Variants in EPSTI1 observed in about 807,000 individuals in gnomAD.
EPSTI1 encodes epithelial-stromal interaction protein 1.
Under a neutral mutation model 49.9 loss-of-function variants are expected in EPSTI1, and 66 were observed. The observed-to-expected ratio is 1.32, with a 90% CI of 1.08 to 1.62. The LOEUF (loss-of-function observed/expected upper bound fraction) is 1.62. Ranked by LOEUF, EPSTI1 falls within the 40% of genes most tolerant of loss-of-function variation. EPSTI1 has a pLI of 0.00. For missense variants in EPSTI1, 394 were observed against 365.5 expected (o/e 1.08, Z -0.64); for synonymous variants, 137 against 130.7 (o/e 1.05, Z -0.33).
intron 1 of EPSTI1, among the ~76,000 whole-genome samples, chr13:42,989,585 C>CTTTTTT (rs2040154989): frequency 4.7e-4 from 30 of 63,894 alleles, no homozygotes; most frequent in Admixed American, 7.3e-4. Context: ...TTTTTTTTTG[C>CTTTTTT]TTTTTGTTTT....
At chr13:42,955,885 G>GC (rs1395107698) in intron 5 of EPSTI1, among the ~76,000 whole-genome samples, 4 of 142,888 alleles carry the variant, frequency 2.8e-5, no homozygotes, top group African/African-American at 5.1e-5. Context: ...TTTGGGGGGG[G>GC]GGGGAAGTAG....
intron 8 of EPSTI1, among the ~76,000 whole-genome samples, chr13:42,905,953 GA>G (rs1489364610): frequency 3.3e-5 from 5 of 152,210 alleles, no homozygotes; most frequent in African/African-American, 9.7e-5. Flanking sequence ...GCATACAAAC[GA>G]GGGTAGGTTG....
chr13:42,887,291 C>T lies in EPSTI1; in HGVS notation c.*1203G>A, dbSNP rs898135354. On this transcript the variant is annotated 3_prime_UTR_variant, in exon 11 of 11. Coordinates refer to ENST00000313624, the MANE Select transcript of EPSTI1 (RefSeq NM_033255.5). ...CATCTGTTCTCTGTTACCCCCCACC[C>T]ACCAATGTGGCCCTTTCCTAGTGCA... The T allele has an allele frequency of 6.6e-6, 1 of 152,244 alleles. No individual in the cohort carries two copies. Among genetic ancestry groups the T allele is most frequent in the Non-Finnish European group, 1.5e-5 (1 of 68,072 alleles). 9.4% of individuals were successfully genotyped at this position (152,244 alleles called of 1,614,324 possible). A position where few individuals can be genotyped will look rare whatever the true frequency, so the allele number is the denominator to read the frequency against.
At chr13:42,918,807 T>C (rs1414926953) in intron 7 of EPSTI1, among the ~76,000 whole-genome samples, 1 of 152,182 alleles carries the variant, frequency 6.6e-6, no homozygotes. Context: ...GGGACTGTGC[T>C]AAGACATAGA....
intron 7 of EPSTI1, among the ~76,000 whole-genome samples, chr13:42,921,987 A>G (rs1566119126): frequency 6.6e-6 from 1 of 152,252 alleles, no homozygotes; most frequent in African/African-American, 2.4e-5. Flanking sequence ...AAATGTTCAA[A>G]GGAAACTAAG....
At chr13:42,974,516 G>A (rs1337970427) in intron 1 of EPSTI1, among the ~76,000 whole-genome samples, 1 of 152,006 alleles carries the variant, frequency 6.6e-6, no homozygotes, top group Non-Finnish European at 1.5e-5. Context: ...AAAATTAGCC[G>A]GGCGTGGTGG....
rs756427611 is a variant in EPSTI1 at position 42,917,571 on chromosome 13, C to A, written c.711G>T (p.Leu237Phe). 2.1e-6 allele frequency: 3 copies of A among 1,449,116 alleles called. No individual in the cohort carries two copies. Among genetic ancestry groups the A allele is most frequent in the Non-Finnish European group, 2.8e-6 (3 of 1,075,352 alleles). The allele number at this position is 1,449,116 out of a possible 1,614,324, so 89.8% of individuals were successfully genotyped here. A position where few individuals can be genotyped will look rare whatever the true frequency, so the allele number is the denominator to read the frequency against. Residue 237 changes from leucine (L) to phenylalanine (F), a missense_variant, in exon 8 of 11, where the codon TTG (leucine) becomes TTT (phenylalanine). Transcript: ENST00000313624. Reference sequence around the variant, plus strand: ...GATGTTGTTCATCCTTCATCTTTTGCAATTTTCTGTTTTCTTCTGCCTTTA... The same window carrying A: ...GATGTTGTTCATCCTTCATCTTTTGAAATTTTCTGTTTTCTTCTGCCTTTA... ...DSLKAEENRK[L>F]QKMKDEQHQK...
intron 9 of EPSTI1, among the ~76,000 whole-genome samples, chr13:42,898,593 G>A (rs1241043223): frequency 1.3e-5 from 2 of 152,002 alleles, no homozygotes; most frequent in South Asian, 2.1e-4. Flanking sequence ...AAAAAATAAC[G>A]TATAGAAATT....
rs1263661988 is a variant in EPSTI1 at position 42,922,864 on chromosome 13, A to C, written c.657+3472T>G. 6.6e-6 allele frequency among the ~76,000 whole-genome samples: 1 copy of C among 152,210 alleles called. No homozygotes were observed. The highest frequency in any genetic ancestry group is 2.4e-5 in the African/African-American group (1 of 41,460). ...TGGCCCCTCAGACATTAACGTGCAC[A>C]CACATCTTCCATGGACTGTATTAAA... is the stretch of plus-strand genomic sequence containing the variant. On this transcript the variant is annotated intron_variant, in intron 7 of 10. Coordinates refer to ENST00000313624, the MANE Select transcript of EPSTI1 (RefSeq NM_033255.5). This position sits in a 1 kb window ranked among gnomAD's most constrained non-coding sequence, Gnocchi z 4.8.
chr13:42,948,807 T>TA (rs1594707699), intron 6 of EPSTI1, among the ~76,000 whole-genome samples: 2 of 152,206 alleles, frequency 1.3e-5, no homozygotes, highest in Admixed American at 6.5e-5. Flanking sequence ...TTTATTTGAT[T>TA]AAAAGAACAA....
At chr13:42,964,219 A>C in intron 3 of EPSTI1, 80 bp from the exon 4 acceptor site, 1 of 1,050,362 alleles carries the variant, frequency 9.5e-7, no homozygotes, top group Non-Finnish European at 1.4e-6. Flanking sequence ...TTAATATATA[A>C]TAAATCTATA....
chr13:42,919,176 A>C (rs2037923806), intron 7 of EPSTI1: 1 of 764,898 alleles, frequency 1.3e-6, no homozygotes, highest in Admixed American at 2.7e-5. Flanking sequence ...ACTCAGAAAA[A>C]AGTGGTTATT....
At chr13:42,907,896 G>A (rs1379752691) in intron 8 of EPSTI1, among the ~76,000 whole-genome samples, 1 of 152,086 alleles carries the variant, frequency 6.6e-6, no homozygotes, top group African/African-American at 2.4e-5. Context: ...GCGTGGTACT[G>A]GCATACAAAC....
chr13:42,925,520 G>C (rs572733850), intron 7 of EPSTI1, among the ~76,000 whole-genome samples: 3 of 152,084 alleles, frequency 2.0e-5, no homozygotes, highest in Non-Finnish European at 4.4e-5. Flanking sequence ...GGGATACTAA[G>C]CATCCTGCAG....
chr13:42,888,316 C>T lies in EPSTI1; in HGVS notation c.*178G>A, dbSNP rs150706021. On this transcript the variant is annotated 3_prime_UTR_variant, in exon 11 of 11. Coordinates refer to ENST00000313624, the MANE Select transcript of EPSTI1 (RefSeq NM_033255.5). Reference sequence around the variant, plus strand: ...ATATGAGTTCAGGAATCAGCTCCTCCAAACATGCATAAATGAGGACAAGGA... The same window carrying T: ...ATATGAGTTCAGGAATCAGCTCCTCTAAACATGCATAAATGAGGACAAGGA... 7 of 1,614,042 alleles carry T rather than the reference C, an allele frequency of 4.3e-6. No individual in the cohort carries two copies. The highest frequency in any genetic ancestry group is 5.9e-6 in the Non-Finnish European group (7 of 1,179,974).
chr13:42,978,269 T>C (rs957856123), intron 1 of EPSTI1, among the ~76,000 whole-genome samples: 1 of 152,068 alleles, frequency 6.6e-6, no homozygotes, highest in Non-Finnish European at 1.5e-5. Context: ...TTTTAGACAT[T>C]TTAGGAAGAC....
chr13:42,917,003 T>C (rs2037848056), intron 8 of EPSTI1, among the ~76,000 whole-genome samples: 2 of 152,198 alleles, frequency 1.3e-5, no homozygotes, highest in South Asian at 4.1e-4. Context: ...GCACTTTTCT[T>C]AGAAGGCTCT....
intron 6 of EPSTI1, among the ~76,000 whole-genome samples, chr13:42,950,502 A>G (rs1385029676): frequency 6.6e-6 from 1 of 152,230 alleles, no homozygotes; most frequent in Admixed American, 6.5e-5. Context: ...AATTGACAAC[A>G]CTAAAAATAA....
chr13:42,952,782 C>T lies in EPSTI1; in HGVS notation c.563+1166G>A, dbSNP rs112158412. On this transcript the variant is annotated intron_variant, in intron 6 of 10. Transcript: ENST00000313624. ...TGGGTAGCAGAAACACAGTACCTAACTTGCTAAGGAGCAAAGCAGAGGGTT... is the reference window on the plus strand; with the variant it reads ...TGGGTAGCAGAAACACAGTACCTAATTTGCTAAGGAGCAAAGCAGAGGGTT... 5.4e-3 allele frequency among the ~76,000 whole-genome samples: 817 copies of T among 152,346 alleles called. 4 individuals carry two copies. Among genetic ancestry groups the T allele is most frequent in the Non-Finnish European group, 9.0e-3 (615 of 68,028 alleles).
Sources: allele counts gnomAD v4.1 joint callset (sites outside exome capture counted in the v4.1 genomes callset), GRCh38; gene constraint gnomAD v4.1.1; non-coding constraint Gnocchi (gnomAD v3.1); transcripts MANE v1.5; gene names NCBI Gene and HGNC (gene_info 2026-07-23, HGNC 2026-07-21).